Variants in FGF10 observed in about 807,000 individuals in gnomAD.
The protein encoded by FGF10 is FGF-10.
A neutral mutation model predicts 19.8 loss-of-function variants in FGF10; 2 were observed. That is an observed-to-expected ratio of 0.10 (90% CI 0.04 to 0.32). The LOEUF is 0.32. Among genes scored for constraint, FGF10 ranks in the 10% least tolerant of loss-of-function variants. The pLI is 1.00. For missense variants in FGF10, 191 were observed against 246.3 expected, an observed-to-expected ratio of 0.78 and a Z score of 1.50; for synonymous variants, 112 against 94.0, an observed-to-expected ratio of 1.19 and a Z score of -1.10.
chr5:44,338,265 T>C (rs1475563793), intron 1 of FGF10, among the ~76,000 whole-genome samples: 2 of 152,204 alleles, frequency 1.3e-5, no homozygotes, highest in Non-Finnish European at 2.9e-5. Flanking sequence ...ATTGCTTCTG[T>C]GTGATGACAT....
At chr5:44,371,567 A>G (rs2170582) in intron 1 of FGF10, among the ~76,000 whole-genome samples, 78,697 of 151,998 alleles carry the variant, frequency 0.52, 23,171 homozygotes, top group Non-Finnish European at 0.67. Flanking sequence ...AGGTTAATGG[A>G]AACCCTTTAA....
intron 1 of FGF10, among the ~76,000 whole-genome samples, chr5:44,323,939 C>T (rs1337854098): frequency 1.3e-5 from 2 of 151,954 alleles, no homozygotes; most frequent in Non-Finnish European, 2.9e-5. Context: ...CAACAGGAAA[C>T]ATTAAGAGAG....
chr5:44,339,496 G>T (rs1283164880), intron 1 of FGF10, among the ~76,000 whole-genome samples: 1 of 152,118 alleles, frequency 6.6e-6, no homozygotes, highest in African/African-American at 2.4e-5. Flanking sequence ...ATATAAGTGG[G>T]CTTTGTTCTG....
intron 1 of FGF10, among the ~76,000 whole-genome samples, chr5:44,346,309 T>G (rs1741090042): frequency 6.6e-6 from 1 of 151,736 alleles, no homozygotes; most frequent in East Asian, 1.9e-4. Context: ...TATATTTCCT[T>G]CATTTTTCCC....
chr5:44,364,379 T>C (rs1741558672), intron 1 of FGF10, among the ~76,000 whole-genome samples: 3 of 151,834 alleles, frequency 2.0e-5, no homozygotes, highest in African/African-American at 7.2e-5. Context: ...ATTAATTGAA[T>C]GCAATTATTC....
At chr5:44,372,762 T>C (rs2929852) in intron 1 of FGF10, among the ~76,000 whole-genome samples, 149,626 of 152,330 alleles carry the variant, frequency 0.98, 73,552 homozygotes, top group East Asian at 1. Flanking sequence ...ATAAACATTC[T>C]TATTCCAAAA....
chr5:44,357,820 T>C (rs1741382770), intron 1 of FGF10, among the ~76,000 whole-genome samples: 1 of 151,510 alleles, frequency 6.6e-6, no homozygotes, highest in African/African-American at 2.4e-5. Flanking sequence ...AAGTGCTTTT[T>C]CACTTAAAAG....
chr5:44,321,378 AT>A (rs1323031517), intron 1 of FGF10, among the ~76,000 whole-genome samples: 2 of 152,126 alleles, frequency 1.3e-5, no homozygotes, highest in Non-Finnish European at 2.9e-5. Flanking sequence ...AGTGCAATAT[AT>A]TTTTCAGGAG....
Position 44,326,565 on chromosome 5 carries a change from AT to A in FGF10, c.326-16036del, listed in dbSNP as rs563550286. Among the ~76,000 whole-genome samples, 189 of 144,824 alleles carry A rather than the reference AT, an allele frequency of 1.3e-3. 1 individual carries two copies. The highest frequency in any genetic ancestry group is 3.7e-3 in the Middle Eastern group (1 of 272). The stretch of plus-strand genomic sequence containing the variant: ...AGGCACAAACCACCATGCCCAGCTA[AT>A]TTTTTTTTTTTTAATATTGTTTGTA... On this transcript the variant is annotated intron_variant, in intron 1 of 2. Transcript: ENST00000264664.
chr5:44,355,519 A>G, intron 1 of FGF10, among the ~76,000 whole-genome samples: 1 of 150,930 alleles, frequency 6.6e-6, no homozygotes, highest in Non-Finnish European at 1.5e-5. Context: ...ATATATTTAC[A>G]ATCTATTTTA....
intron 1 of FGF10, among the ~76,000 whole-genome samples, chr5:44,349,502 A>G (rs1216851746): frequency 1.2e-4 from 14 of 120,994 alleles, no homozygotes; most frequent in African/African-American, 3.3e-4. Flanking sequence ...ATATATATAT[A>G]TGTGTGTGTG....
At chr5:44,345,428 C>G (rs1215073467) in intron 1 of FGF10, among the ~76,000 whole-genome samples, 1 of 151,804 alleles carries the variant, frequency 6.6e-6, no homozygotes, top group Non-Finnish European at 1.5e-5. Context: ...TTCATCTTAA[C>G]CAAAGTGAAT....
intron 1 of FGF10, among the ~76,000 whole-genome samples, chr5:44,361,694 C>T (rs1741486503): frequency 6.6e-6 from 1 of 151,650 alleles, no homozygotes; most frequent in South Asian, 2.1e-4. Flanking sequence ...TGGGCTTCTA[C>T]AGATTCTTTA....
rs1741187285 is a variant in FGF10 at position 44,349,490 on chromosome 5, GAATATATATATA to G, written c.325+38856_325+38867del. On this transcript the variant is annotated intron_variant, in intron 1 of 2. Coordinates refer to ENST00000264664, the MANE Select transcript of FGF10 (RefSeq NM_004465.2). Reference sequence around the variant, plus strand: ...TATATCAGAATATATATATATATCAGAATATATATATATGTGTGTGTGTATATATCTCTATAT... The same window carrying G: ...TATATCAGAATATATATATATATCAGTGTGTGTGTGTATATATCTCTATAT... Among the ~76,000 whole-genome samples the G allele has an allele frequency of 1.1e-3, 51 of 47,264 alleles. 1 individual carries two copies. Among genetic ancestry groups the G allele is most frequent in the East Asian group, 4.3e-3 (8 of 1,864 alleles). The allele number at this position is 47,264 out of a possible 152,430, so 31.0% of individuals were successfully genotyped here.
chr5:44,378,957 G>T (rs954770145), intron 1 of FGF10, among the ~76,000 whole-genome samples: 2 of 152,156 alleles, frequency 1.3e-5, no homozygotes, highest in African/African-American at 4.8e-5. Flanking sequence ...TGTCAATTCA[G>T]ATTTCAAACT....
rs182932660 is a variant in FGF10, at chr5:44,327,263, G to C, written c.326-16733C>G. The stretch of plus-strand genomic sequence containing the variant: ...TTTACTGGGTATAAAAGCCATCTAC[G>C]AAACATAAGAAGGATTTCTTGTGAC... On this transcript the variant is annotated intron_variant, in intron 1 of 2. Coordinates refer to ENST00000264664, the MANE Select transcript of FGF10 (RefSeq NM_004465.2). Among the ~76,000 whole-genome samples, 14 of 152,230 alleles carry C rather than the reference G, an allele frequency of 9.2e-5. No individual in the cohort carries two copies. The East Asian group carries it at 2.5e-3, about 27-fold the overall frequency.
At chr5:44,363,566 C>T (rs1741538374) in intron 1 of FGF10, among the ~76,000 whole-genome samples, 1 of 151,768 alleles carries the variant, frequency 6.6e-6, no homozygotes, top group Non-Finnish European at 1.5e-5. Flanking sequence ...ATGTCTTATA[C>T]ACTCAAGAAG....
chr5:44,380,865 T>C (rs1402364964), intron 1 of FGF10, among the ~76,000 whole-genome samples: 1 of 152,234 alleles, frequency 6.6e-6, no homozygotes, highest in Non-Finnish European at 1.5e-5. Context: ...GGGTGGTACA[T>C]GCCTGCAGTT....
At chr5:44,367,971 G>C (rs1317456063) in intron 1 of FGF10, among the ~76,000 whole-genome samples, 1 of 151,406 alleles carries the variant, frequency 6.6e-6, no homozygotes, top group African/African-American at 2.4e-5. Flanking sequence ...TCAAAACCTT[G>C]CCCAAGATCA....
Sources: allele counts gnomAD v4.1 joint callset (sites outside exome capture counted in the v4.1 genomes callset), GRCh38; gene constraint gnomAD v4.1.1; transcripts MANE v1.5; gene names NCBI Gene and HGNC (gene_info 2026-07-23, HGNC 2026-07-21).